SLC35F1: variants seen among roughly 807,000 people sequenced by gnomAD.
SLC35F1 encodes the protein chromosome 6 open reading frame 169.
A neutral mutation model predicts 48.7 loss-of-function variants in SLC35F1; 14 were observed. That is an observed-to-expected ratio of 0.29 (90% CI 0.19 to 0.45). SLC35F1 has a LOEUF of 0.45. Among genes scored for constraint, SLC35F1 ranks in the 20% least tolerant of loss-of-function variants. SLC35F1 has a pLI of 1.00. For synonymous variants in SLC35F1, 190 were observed against 202.2 expected (o/e 0.94, Z 0.51); for missense variants, 404 against 500.0 (o/e 0.81, Z 1.83).
At chr6:118,109,182 A>G (rs1037587430) in intron 1 of SLC35F1, among the ~76,000 whole-genome samples, 6 of 152,214 alleles carry the variant, frequency 3.9e-5, no homozygotes, top group Admixed American at 3.9e-4. Context: ...GAATGTTTGA[A>G]GTAATTGGCT....
At chr6:117,953,565 T>C (rs1258393666) in intron 1 of SLC35F1, among the ~76,000 whole-genome samples, 1 of 152,188 alleles carries the variant, frequency 6.6e-6, no homozygotes, top group East Asian at 1.9e-4. Flanking sequence ...AAATCATTTT[T>C]ATAGTCCACT....
At chr6:118,304,323 A>G (rs1435636960) in intron 7 of SLC35F1, among the ~76,000 whole-genome samples, 1 of 151,764 alleles carries the variant, frequency 6.6e-6, no homozygotes. Context: ...ACTTGTGAAT[A>G]GCCACTGCAT....
intron 1 of SLC35F1, among the ~76,000 whole-genome samples, chr6:117,926,368 A>G (rs1776027954): frequency 6.6e-6 from 1 of 152,270 alleles, no homozygotes; most frequent in East Asian, 1.9e-4. Flanking sequence ...ACTGTTTGTC[A>G]ATTAAGCCTC....
intron 1 of SLC35F1, among the ~76,000 whole-genome samples, chr6:118,153,786 G>A (rs147169408): frequency 5.3e-4 from 80 of 152,304 alleles, no homozygotes; most frequent in East Asian, 4.6e-3. Context: ...ACGAATAGCA[G>A]TTTTAGTGTG....
chr6:118,304,496 C>T (rs1261217999), intron 7 of SLC35F1, among the ~76,000 whole-genome samples: 4 of 152,054 alleles, frequency 2.6e-5, no homozygotes, highest in Admixed American at 6.5e-5. Context: ...ATGAAAATGC[C>T]TTCTATTCCA....
At chr6:118,131,938 CATA>C (rs970948199) in intron 1 of SLC35F1, among the ~76,000 whole-genome samples, 27 of 152,114 alleles carry the variant, frequency 1.8e-4, no homozygotes, top group African/African-American at 6.3e-4. Context: ...AGTAATACCA[CATA>C]ATATTTTTAA....
Position 118,036,367 on chromosome 6 carries a change from T to C in SLC35F1, c.174-118078T>C, listed in dbSNP as rs1772131674. Among the ~76,000 whole-genome samples, 5 of 152,206 alleles carry C rather than the reference T, an allele frequency of 3.3e-5. No individual in the cohort carries two copies. The South Asian group carries it at 1.0e-3, about 31-fold the overall frequency. The stretch of plus-strand genomic sequence containing the variant: ...CTATTGATTTCTAATTAAATTCAGT[T>C]GTTAGAGAACAAATTTTGTAGATTT... On this transcript the variant is annotated intron_variant, in intron 1 of 7. Transcript: ENST00000360388.
chr6:118,086,149 C>G (rs1319669079), intron 1 of SLC35F1, among the ~76,000 whole-genome samples: 1 of 152,070 alleles, frequency 6.6e-6, no homozygotes, highest in Non-Finnish European at 1.5e-5. Flanking sequence ...TTAAAGTTTT[C>G]TCCAATGTAA....
chr6:117,993,689 A>G (rs1003064224), intron 1 of SLC35F1, among the ~76,000 whole-genome samples: 2 of 152,100 alleles, frequency 1.3e-5, no homozygotes, highest in Non-Finnish European at 2.9e-5. Context: ...TAGAAATCTG[A>G]GCAGTCTTAC....
intron 7 of SLC35F1, among the ~76,000 whole-genome samples, chr6:118,304,994 A>ATTTTTTTTTTTTTTTTTTTTTTTTTT (rs1554246592): frequency 7.0e-6 from 1 of 142,874 alleles, no homozygotes. Context: ...ACAGTCAAAG[A>ATTTTTTTTTTTTTTTTTTTTTTTTTT]TCTTTAGTGT....
chr6:118,210,413 A>G (rs1774987528), intron 2 of SLC35F1, among the ~76,000 whole-genome samples: 1 of 152,226 alleles, frequency 6.6e-6, no homozygotes, highest in African/African-American at 2.4e-5. Flanking sequence ...GGACAAAAAA[A>G]TCTAATTCTA....
chr6:118,084,240 GT>G (rs924626841), intron 1 of SLC35F1, among the ~76,000 whole-genome samples: 7 of 151,790 alleles, frequency 4.6e-5, no homozygotes, highest in African/African-American at 1.7e-4. Context: ...ACTTTATTAA[GT>G]TTTTTTTAAG....
Position 118,317,506 on chromosome 6 carries a change from A to C in SLC35F1, c.*3254A>C, listed in dbSNP as rs1416961424. The stretch of plus-strand genomic sequence containing the variant: ...GTTAAGCCACATAACAAAGCACACT[A>C]ATTCTGACAACACTGCAAATGGAAA... On this transcript the variant is annotated 3_prime_UTR_variant, in exon 8 of 8. Coordinates refer to ENST00000360388, the MANE Select transcript of SLC35F1 (RefSeq NM_001029858.4). 6.6e-6 allele frequency: 1 copy of C among 152,176 alleles called. No individual in the cohort carries two copies. The highest frequency in any genetic ancestry group is 1.5e-5 in the Non-Finnish European group (1 of 68,028). 9.4% of individuals were successfully genotyped at this position (152,176 alleles called of 1,614,324 possible). A position where few individuals can be genotyped will look rare whatever the true frequency, so the allele number is the denominator to read the frequency against.
At chr6:118,273,258 G>A (rs770703392) in intron 4 of SLC35F1, among the ~76,000 whole-genome samples, 1 of 152,030 alleles carries the variant, frequency 6.6e-6, no homozygotes, top group Non-Finnish European at 1.5e-5. Flanking sequence ...GAAAAATATT[G>A]GTGAGACTAT....
At chr6:117,929,433 G>T (rs1477071911) in intron 1 of SLC35F1, among the ~76,000 whole-genome samples, 3 of 147,790 alleles carry the variant, frequency 2.0e-5, no homozygotes, top group East Asian at 2.0e-4. Flanking sequence ...ATTCACATTT[G>T]TATATATGTG....
chr6:117,994,805 G>C (rs548404720), intron 1 of SLC35F1, among the ~76,000 whole-genome samples: 35 of 152,168 alleles, frequency 2.3e-4, no homozygotes, highest in Admixed American at 5.9e-4. Flanking sequence ...AAAAAGCTAT[G>C]ACAGATAAGT....
chr6:118,066,220 C>T (rs977487648), intron 1 of SLC35F1, among the ~76,000 whole-genome samples: 5 of 152,298 alleles, frequency 3.3e-5, no homozygotes, highest in African/African-American at 9.6e-5. Flanking sequence ...AATCATTTAA[C>T]TGCCATGCAA....
Position 118,285,320 on chromosome 6 carries a change from G to C in SLC35F1, c.984G>C (p.Leu328Phe). ...ACTTGTACAGCCTGTTCTGTGGATTGTTTCTCTTCCACTACAAGGTAAGTT... is the reference window on the plus strand; with the variant it reads ...ACTTGTACAGCCTGTTCTGTGGATTCTTTCTCTTCCACTACAAGGTAAGTT... ...TADLYSLFCG[L>F]FLFHYKFSGL... Residue 328 changes from leucine to phenylalanine, a missense_variant, in exon 7 of 8, where the codon TTG becomes TTC. Physicochemically the swap from Leu to Phe is conservative, Grantham distance 22 (BLOSUM62 0). Transcript: ENST00000360388. 6.2e-7 allele frequency: 1 copy of C among 1,613,916 alleles called. No individual in the cohort carries two copies. The highest frequency in any genetic ancestry group is 8.5e-7 in the Non-Finnish European group (1 of 1,179,848).
At chr6:117,953,550 T>G (rs9387524) in intron 1 of SLC35F1, among the ~76,000 whole-genome samples, 2 of 151,906 alleles carry the variant, frequency 1.3e-5, no homozygotes. Context: ...TACCAATCCC[T>G]GAAAAAATCA....
Sources: allele counts gnomAD v4.1 joint callset (sites outside exome capture counted in the v4.1 genomes callset), GRCh38; gene constraint gnomAD v4.1.1; transcripts MANE v1.5; gene names NCBI Gene and HGNC (gene_info 2026-07-23, HGNC 2026-07-21).